The following RARB variants were observed in gnomAD, a reference collection of about 807,000 sequenced individuals.
RARB encodes the protein HBV-activated protein.
Under a neutral mutation model 51.9 loss-of-function variants are expected in RARB, and 17 were observed. The ratio of observed to expected loss-of-function variants is 0.33; its 90% confidence interval spans 0.22 to 0.49. RARB has a LOEUF of 0.49. Ranked by LOEUF, RARB falls within the 20% of genes least tolerant of loss-of-function variation. The probability of loss-of-function intolerance (pLI) is 0.99; values close to 1 mark genes in which losing one functional copy is unlikely to be tolerated. For synonymous variants in RARB, 215 were observed against 195.4 expected (o/e 1.10, Z -0.84); for missense variants, 369 against 550.8 (o/e 0.67, Z 3.30).
At chr3:25,176,330 TTTCTTTCCTTCCTTCC>T (rs1389334951) in intron 5 of RARB, among the ~76,000 whole-genome samples, 1 of 50,302 alleles carries the variant, frequency 2.0e-5, no homozygotes, top group African/African-American at 6.5e-5. Flanking sequence ...TCTTTCTTTC[TTTCTTTCCTTCCTTCC>T]TTCCTTCCTT....
At chr3:25,484,765 T>C (rs1197252823) in intron 2 of RARB, among the ~76,000 whole-genome samples, 1 of 152,168 alleles carries the variant, frequency 6.6e-6, no homozygotes, top group Non-Finnish European at 1.5e-5. Flanking sequence ...TATTTGGCCC[T>C]TTATAGAAAT....
intron 5 of RARB, among the ~76,000 whole-genome samples, chr3:25,196,246 G>A (rs1005496580): frequency 1.3e-5 from 2 of 151,506 alleles, no homozygotes; most frequent in Non-Finnish European, 2.9e-5. Flanking sequence ...ACAGGCCCCA[G>A]TGTGTGATGT....
chr3:25,570,931 G>T (rs1700681021), intron 4 of RARB, among the ~76,000 whole-genome samples: 1 of 145,566 alleles, frequency 6.9e-6, no homozygotes, highest in Non-Finnish European at 1.5e-5. Context: ...AGACAAAATA[G>T]TGATACCAGA....
intron 3 of RARB, among the ~76,000 whole-genome samples, chr3:25,074,844 G>A (rs1362752371): frequency 6.6e-6 from 1 of 152,042 alleles, no homozygotes; most frequent in East Asian, 1.9e-4. Flanking sequence ...GGGTCACTGG[G>A]GCCAGGACTC....
chr3:25,537,405 T>C (rs1200508431), intron 3 of RARB, among the ~76,000 whole-genome samples: 1 of 152,238 alleles, frequency 6.6e-6, no homozygotes, highest in Non-Finnish European at 1.5e-5. Context: ...AGGCCCCGAA[T>C]GTGCTGCACT....
At chr3:25,386,811 T>G (rs1049681621) in intron 5 of RARB, among the ~76,000 whole-genome samples, 1 of 152,230 alleles carries the variant, frequency 6.6e-6, no homozygotes. Flanking sequence ...GTCACCGCCC[T>G]TGGGCTGCCA....
intron 5 of RARB, among the ~76,000 whole-genome samples, chr3:25,272,819 C>T (rs912298097): frequency 2.6e-5 from 4 of 152,158 alleles, no homozygotes; most frequent in Admixed American, 2.0e-4. Context: ...GATTTCCAGC[C>T]CTCTTGCTGA....
rs542334886 is a variant in RARB at position 25,499,654 on chromosome 3, AAG to A, written c.307-1527_307-1526del. 4.0e-3 allele frequency among the ~76,000 whole-genome samples: 434 copies of A among 109,752 alleles called. 1 individual carries two copies. The highest frequency in any genetic ancestry group is 0.028 in the Middle Eastern group (6 of 216). The allele number at this position is 109,752 out of a possible 152,430, so 72.0% of individuals were successfully genotyped here. On this transcript the variant is annotated intron_variant, in intron 2 of 7. Transcript: ENST00000330688. ...AAGTTAAAAAGCAAAAAACTCTTTC[AAG>A]TGTTTGTTTAGTAAACACATGCCAA... is the stretch of plus-strand genomic sequence containing the variant.
chr3:25,011,895 TA>T (rs948516422), intron 2 of RARB, among the ~76,000 whole-genome samples: 5 of 151,776 alleles, frequency 3.3e-5, no homozygotes, highest in East Asian at 3.9e-4. Flanking sequence ...ATCCAGTCCC[TA>T]AAAAAAAGAG....
Position 24,986,282 on chromosome 3 carries a change from T to C in RARB, c.-379-73843T>C, listed in dbSNP as rs113699620. Among the ~76,000 whole-genome samples, 572 of 152,338 alleles carry C rather than the reference T, an allele frequency of 3.8e-3. 2 individuals carry two copies. Among genetic ancestry groups the C allele is most frequent in the African/African-American group, 0.013 (547 of 41,578 alleles). On this transcript the variant is annotated intron_variant, in intron 2 of 11. Transcript: ENST00000383772. The stretch of plus-strand genomic sequence containing the variant: ...GTAATAAATATGTCCAATGTAAATA[T>C]GCAAAATATGTGTTATTATATGTGT...
At chr3:25,121,489 G>A (rs1370748885) in intron 3 of RARB, among the ~76,000 whole-genome samples, 1 of 152,104 alleles carries the variant, frequency 6.6e-6, no homozygotes, top group East Asian at 1.9e-4. Flanking sequence ...AATGAATATG[G>A]TGCAAAAGAA....
intron 2 of RARB, among the ~76,000 whole-genome samples, chr3:24,994,901 T>C (rs1310972390): frequency 6.6e-6 from 1 of 152,118 alleles, no homozygotes; most frequent in Non-Finnish European, 1.5e-5. Flanking sequence ...TACAGTGTTG[T>C]ATAGTTTGAG....
At chr3:25,071,701 T>A (rs1698770274) in intron 3 of RARB, among the ~76,000 whole-genome samples, 1 of 152,146 alleles carries the variant, frequency 6.6e-6, no homozygotes, top group Admixed American at 6.5e-5. Context: ...GGTAAAAGAT[T>A]CAAATTGGAA....
At chr3:25,232,644 C>T (rs560627898) in intron 5 of RARB, among the ~76,000 whole-genome samples, 126 of 152,084 alleles carry the variant, frequency 8.3e-4, no homozygotes, top group African/African-American at 2.8e-3. Context: ...TTTTTAAAAT[C>T]TTGACTTCCA....
intron 2 of RARB, among the ~76,000 whole-genome samples, chr3:24,868,093 A>T (rs1702883661): frequency 6.6e-6 from 1 of 152,160 alleles, no homozygotes; most frequent in African/African-American, 2.4e-5. Flanking sequence ...TATCTGTGAA[A>T]TTACAATAAT....
chr3:24,831,954 G>A (rs1449317103), intron 1 of RARB, among the ~76,000 whole-genome samples: 1 of 152,176 alleles, frequency 6.6e-6, no homozygotes, highest in Non-Finnish European at 1.5e-5. Flanking sequence ...TTCTGAAAGT[G>A]AGAAGGAAGG....
chr3:25,355,970 T>C (rs1185186974), intron 5 of RARB, among the ~76,000 whole-genome samples: 2 of 152,164 alleles, frequency 1.3e-5, no homozygotes, highest in Admixed American at 1.3e-4. Flanking sequence ...ACTTTTTTAT[T>C]ACAAAGAAAA....
At chr3:24,946,319 C>T (rs987383739) in intron 2 of RARB, among the ~76,000 whole-genome samples, 8 of 119,774 alleles carry the variant, frequency 6.7e-5, no homozygotes, top group African/African-American at 2.1e-4. Flanking sequence ...TGGACAAATA[C>T]AGTATTTTTC....
intron 2 of RARB, among the ~76,000 whole-genome samples, chr3:24,959,585 C>T (rs1696094871): frequency 1.3e-5 from 2 of 152,192 alleles, no homozygotes; most frequent in South Asian, 2.1e-4. Context: ...GTAAAGTTCT[C>T]ACATGGGGCT....
Sources: allele counts gnomAD v4.1 joint callset (sites outside exome capture counted in the v4.1 genomes callset), GRCh38; gene constraint gnomAD v4.1.1; transcripts MANE v1.5; gene names NCBI Gene and HGNC (gene_info 2026-07-23, HGNC 2026-07-21).